ATP8A2: variants seen among roughly 807,000 people sequenced by gnomAD.
The protein encoded by ATP8A2 is ATPase phospholipid transporting 8A2.
In ATP8A2, 100 loss-of-function variants were observed where a neutral mutation model predicts 165.6. That is an observed-to-expected ratio of 0.60 (90% CI 0.51 to 0.71). The LOEUF is 0.71. ATP8A2 is among the 30% of genes least tolerant of loss of function. The pLI, the probability that ATP8A2 is intolerant of heterozygous loss-of-function variation, is 0.00. For synonymous variants in ATP8A2, 543 were observed against 548.8 expected (o/e 0.99, Z 0.15); for missense variants, 1,227 against 1,479.5 (o/e 0.83, Z 2.80).
At chr13:25,624,848 T>C (rs997687686) in intron 24 of ATP8A2, among the ~76,000 whole-genome samples, 5 of 152,200 alleles carry the variant, frequency 3.3e-5, no homozygotes, top group African/African-American at 1.2e-4. Flanking sequence ...CTCCTGTAAG[T>C]TTAACAAGAT....
In ATP8A2 at chr13:25,953,967, TTTC is replaced by T. The variant is rs1955451528; in HGVS notation, c.3184-7607_3184-7605del. Among the ~76,000 whole-genome samples the T allele has an allele frequency of 6.6e-6, 1 of 152,082 alleles. No homozygotes were observed. The highest frequency in any genetic ancestry group is 1.5e-5 in the Non-Finnish European group (1 of 68,008). ...CGAGCTAGCTGCAGGAGTTTTTTTT[TTTC>T]ATACCCCAGTGGCACCTGGAATGCC... is the stretch of plus-strand genomic sequence containing the variant. On this transcript the variant is annotated intron_variant, in intron 33 of 36. Coordinates refer to ENST00000381655, the MANE Select transcript of ATP8A2 (RefSeq NM_016529.6). The surrounding 1 kb of genome is among the most constrained non-coding windows in gnomAD (Gnocchi z 6.7).
chr13:25,767,837 A>C (rs2044523032), intron 25 of ATP8A2, among the ~76,000 whole-genome samples: 1 of 152,074 alleles, frequency 6.6e-6, no homozygotes. Context: ...CTGTCTCGCC[A>C]AATGCATTTC....
intron 2 of ATP8A2, among the ~76,000 whole-genome samples, chr13:25,480,348 C>T (rs1164183755): frequency 6.6e-6 from 1 of 151,914 alleles, no homozygotes; most frequent in Non-Finnish European, 1.5e-5. Flanking sequence ...AGACGCTCCT[C>T]ACTTCCCAGA....
chr13:25,947,883 C>T (rs1283879233), intron 33 of ATP8A2, among the ~76,000 whole-genome samples: 2 of 152,098 alleles, frequency 1.3e-5, no homozygotes, highest in African/African-American at 2.4e-5. Context: ...CATCTGAGTG[C>T]GTCTTCAGTG....
chr13:25,391,332 C>T (rs1036340112), intron 1 of ATP8A2, among the ~76,000 whole-genome samples: 9 of 152,202 alleles, frequency 5.9e-5, no homozygotes, highest in African/African-American at 1.4e-4. Flanking sequence ...ATTCTTCACC[C>T]ATCTATTCAT....
At chr13:25,626,281 G>A (rs1018836752) in intron 24 of ATP8A2, among the ~76,000 whole-genome samples, 13 of 152,136 alleles carry the variant, frequency 8.5e-5, no homozygotes, top group African/African-American at 3.1e-4. Context: ...GGTTCTGGAG[G>A]CTGGGAAGTC....
chr13:25,694,151 T>G (rs531304073), intron 24 of ATP8A2, among the ~76,000 whole-genome samples: 4 of 152,356 alleles, frequency 2.6e-5, no homozygotes, highest in African/African-American at 9.6e-5. Flanking sequence ...TCTATCCTCA[T>G]GTGTGCTGCA....
chr13:25,930,515 G>A (rs184092153), intron 33 of ATP8A2, among the ~76,000 whole-genome samples: 19 of 152,294 alleles, frequency 1.2e-4, no homozygotes, highest in African/African-American at 3.1e-4. Context: ...ATACTACCTC[G>A]TGAGGGAATC....
At chr13:25,692,570 G>A (rs1228025202) in intron 24 of ATP8A2, among the ~76,000 whole-genome samples, 1 of 152,178 alleles carries the variant, frequency 6.6e-6, no homozygotes, top group Non-Finnish European at 1.5e-5. Context: ...TAACTCCAAA[G>A]TGATTAACAG....
At chr13:25,825,066 A>T (rs965887654) in intron 27 of ATP8A2, among the ~76,000 whole-genome samples, 1 of 148,176 alleles carries the variant, frequency 6.7e-6, no homozygotes, top group African/African-American at 2.5e-5. Context: ...GTCTAATCTG[A>T]TCATATTTGT....
intron 33 of ATP8A2, among the ~76,000 whole-genome samples, chr13:25,886,324 C>T (rs1953153037): frequency 6.6e-6 from 1 of 152,190 alleles, no homozygotes; most frequent in African/African-American, 2.4e-5. Flanking sequence ...ATAAAGCTAA[C>T]TTAACTCTTG....
At chr13:25,739,449 A>T (rs1003398309) in intron 25 of ATP8A2, among the ~76,000 whole-genome samples, 1 of 152,228 alleles carries the variant, frequency 6.6e-6, no homozygotes, top group Non-Finnish European at 1.5e-5. Context: ...ATGTATAACT[A>T]AGTCAACTGA....
In ATP8A2 at chr13:25,372,810, G is replaced by C. The variant is rs1310073518; in HGVS notation, c.76+522G>C. Among the ~76,000 whole-genome samples, 1 of 152,170 alleles carries C rather than the reference G, an allele frequency of 6.6e-6. No individual in the cohort carries two copies. The highest frequency in any genetic ancestry group is 1.5e-5 in the Non-Finnish European group (1 of 68,026). The stretch of plus-strand genomic sequence containing the variant: ...CCCGGGTCCTCGCGCGCTCACAGCG[G>C]CGACGTACTGGCTCATAACCATCCG... On this transcript the variant is annotated intron_variant, in intron 1 of 36. Coordinates refer to ENST00000381655, the MANE Select transcript of ATP8A2 (RefSeq NM_016529.6). The surrounding 1 kb of genome is among the most constrained non-coding windows in gnomAD (Gnocchi z 4.8).
intron 2 of ATP8A2, among the ~76,000 whole-genome samples, chr13:25,515,818 A>G (rs1465781331): frequency 2.0e-5 from 3 of 152,182 alleles, no homozygotes; most frequent in Non-Finnish European, 4.4e-5. Flanking sequence ...TCTATGTTGG[A>G]TTTCAGTTAG....
intron 27 of ATP8A2, among the ~76,000 whole-genome samples, chr13:25,779,180 C>T (rs1301314126): frequency 6.6e-6 from 1 of 151,280 alleles, no homozygotes; most frequent in Non-Finnish European, 1.5e-5. Flanking sequence ...TTGAGAGAGA[C>T]AAAAATGTAT....
chr13:25,888,552 G>T (rs1953245168), intron 33 of ATP8A2, among the ~76,000 whole-genome samples: 2 of 152,204 alleles, frequency 1.3e-5, no homozygotes, highest in Admixed American at 1.3e-4. Context: ...GTTCAACCCA[G>T]TTAGTATATA....
chr13:25,868,607 G>A (rs1222926065), intron 33 of ATP8A2, among the ~76,000 whole-genome samples: 2 of 152,164 alleles, frequency 1.3e-5, no homozygotes, highest in African/African-American at 4.8e-5. Flanking sequence ...AACACACTGT[G>A]TTTCTGGATG....
At chr13:25,546,614 T>C (rs1310294449) in intron 10 of ATP8A2, among the ~76,000 whole-genome samples, 2 of 152,160 alleles carry the variant, frequency 1.3e-5, no homozygotes, top group Non-Finnish European at 2.9e-5. Flanking sequence ...TATTTATGTC[T>C]ATAATTTCTA....
At chr13:25,915,391 A>G (rs938290077) in intron 33 of ATP8A2, among the ~76,000 whole-genome samples, 3 of 152,224 alleles carry the variant, frequency 2.0e-5, no homozygotes, top group East Asian at 1.9e-4. Context: ...GGGGTGAACA[A>G]CAGCAGAAAA....
Sources: gnomAD v4.1 joint callset for allele counts (sites outside exome capture counted in the v4.1 genomes callset) on GRCh38, gnomAD v4.1.1 for gene constraint, Gnocchi (gnomAD v3.1) non-coding constraint, MANE v1.5 for transcripts, NCBI Gene and HGNC (gene_info 2026-07-23, HGNC 2026-07-21) for gene names.